The following RPS6KA5 variants were observed in gnomAD, a reference collection of about 807,000 sequenced individuals.
RPS6KA5 encodes the protein ribosomal protein S6 kinase A5.
RPS6KA5 carries 27 observed loss-of-function variants against 85.5 expected under a neutral mutation model. The ratio of observed to expected loss-of-function variants is 0.32; its 90% confidence interval spans 0.23 to 0.44. The LOEUF (loss-of-function observed/expected upper bound fraction) is 0.44. Among genes scored for constraint, RPS6KA5 ranks in the 20% least tolerant of loss-of-function variants. RPS6KA5 has a pLI of 1.00. For synonymous variants in RPS6KA5, 334 were observed against 348.2 expected, an observed-to-expected ratio of 0.96 and a Z score of 0.46; for missense variants, 811 against 980.9, an observed-to-expected ratio of 0.83 and a Z score of 2.31.
intron 7 of RPS6KA5, among the ~76,000 whole-genome samples, chr14:90,909,741 C>T (rs2140257058): frequency 6.6e-6 from 1 of 152,176 alleles, no homozygotes; most frequent in East Asian, 1.9e-4. Context: ...ATCAAGTGAA[C>T]ATAGATGACA....
intron 3 of RPS6KA5, among the ~76,000 whole-genome samples, chr14:90,952,559 C>T (rs1595314196): frequency 6.6e-6 from 1 of 152,264 alleles, no homozygotes. Flanking sequence ...TAATGATTGG[C>T]AAGCCAATTC....
At chr14:91,048,248 C>T (rs2042947801) in intron 1 of RPS6KA5, among the ~76,000 whole-genome samples, 2 of 152,074 alleles carry the variant, frequency 1.3e-5, no homozygotes, top group Admixed American at 1.3e-4. Context: ...TTTTAAAATA[C>T]AAGAATTAAT....
intron 5 of RPS6KA5, among the ~76,000 whole-genome samples, chr14:90,931,086 A>C (rs2036951509): frequency 6.6e-6 from 1 of 152,230 alleles, no homozygotes; most frequent in Non-Finnish European, 1.5e-5. Context: ...AAATATTTGC[A>C]CAACCACGTT....
intron 12 of RPS6KA5, among the ~76,000 whole-genome samples, chr14:90,895,432 G>T (rs1206706001): frequency 6.6e-6 from 1 of 152,084 alleles, no homozygotes; most frequent in African/African-American, 2.4e-5. Context: ...TAGTTTCAGG[G>T]TTCCTGTTAA....
Position 90,856,328 on chromosome 14 carries a change from C to CAA in RPS6KA5, c.*15744_*15745dup. 6.6e-6 allele frequency: 1 copy of CAA among 151,706 alleles called. No homozygotes were observed. Among genetic ancestry groups the CAA allele is most frequent in the East Asian group, 1.9e-4 (1 of 5,162 alleles). 9.4% of individuals were successfully genotyped at this position (151,706 alleles called of 1,614,324 possible). A position where few individuals can be genotyped will look rare whatever the true frequency, so the allele number is the denominator to read the frequency against. ...AGCCAGGTGTTAGTACTGACTTCCT[C>CAA]AAACTAGCTACAGCCTTTCTAGCTA... On this transcript the variant is annotated 3_prime_UTR_variant, in exon 17 of 17. Transcript: ENST00000614987.
At chr14:91,023,475 T>C (rs1040507443) in intron 1 of RPS6KA5, among the ~76,000 whole-genome samples, 7 of 152,034 alleles carry the variant, frequency 4.6e-5, no homozygotes, top group Non-Finnish European at 1.0e-4. Flanking sequence ...TTAGTAGAGA[T>C]GGGGTTTCAC....
chr14:90,948,967 A>G (rs915133125), intron 3 of RPS6KA5, among the ~76,000 whole-genome samples: 1 of 152,224 alleles, frequency 6.6e-6, no homozygotes, highest in Non-Finnish European at 1.5e-5. Flanking sequence ...AAGCAGATAC[A>G]ACAGAATTAA....
Position 90,988,862 on chromosome 14 carries a change from T to A in RPS6KA5, c.176-10338A>T, listed in dbSNP as rs116111959. On this transcript the variant is annotated intron_variant, in intron 2 of 16. Transcript: ENST00000614987. ...AACAAAGAAATATAATCTTTCCATT[T>A]GACATGTTATGCTTAAGGTAACATA... Among the ~76,000 whole-genome samples, 822 of 152,260 alleles carry A rather than the reference T, an allele frequency of 5.4e-3. 5 individuals carry two copies. Among genetic ancestry groups the A allele is most frequent in the African/African-American group, 0.017 (706 of 41,542 alleles).
chr14:91,023,866 A>G (rs77452918), intron 1 of RPS6KA5, among the ~76,000 whole-genome samples: 2,732 of 152,326 alleles, frequency 0.018, 65 homozygotes, highest in African/African-American at 0.063. Flanking sequence ...TTAATAGGAT[A>G]TATCTCAGAG....
chr14:91,029,210 T>C (rs1459699895), intron 1 of RPS6KA5, among the ~76,000 whole-genome samples: 10 of 152,208 alleles, frequency 6.6e-5, no homozygotes, highest in Admixed American at 5.9e-4. Context: ...AAATGACATA[T>C]AAATTCAATG....
intron 5 of RPS6KA5, among the ~76,000 whole-genome samples, chr14:90,923,563 G>A (rs2036512998): frequency 6.6e-6 from 1 of 151,960 alleles, no homozygotes; most frequent in Admixed American, 6.5e-5. Flanking sequence ...AATGCAAATA[G>A]TCCTAGTAAG....
chr14:91,014,666 G>A (rs565280140), intron 1 of RPS6KA5, among the ~76,000 whole-genome samples: 24 of 151,896 alleles, frequency 1.6e-4, no homozygotes, highest in South Asian at 4.2e-4. Context: ...TCTAAATAGC[G>A]ATATAAAGTT....
chr14:91,044,803 A>G (rs577042916), intron 1 of RPS6KA5, among the ~76,000 whole-genome samples: 46 of 151,060 alleles, frequency 3.0e-4, no homozygotes, highest in East Asian at 9.8e-4. Context: ...CTCAGGAGGC[A>G]GAGGTTGCAG....
chr14:90,998,966 A>T (rs1008441999), intron 2 of RPS6KA5, among the ~76,000 whole-genome samples: 1 of 152,192 alleles, frequency 6.6e-6, no homozygotes, highest in Non-Finnish European at 1.5e-5. Flanking sequence ...GTGATGGCTC[A>T]CGTCTGTAAT....
rs144452640 is a variant in RPS6KA5 at position 90,937,690 on chromosome 14, T to C, written c.618+5388A>G. On this transcript the variant is annotated intron_variant, in intron 5 of 16. Coordinates refer to ENST00000614987, the MANE Select transcript of RPS6KA5 (RefSeq NM_004755.4). The stretch of plus-strand genomic sequence containing the variant: ...AAGGAAAGGAGGAACAAGTCACATA[T>C]TACATGGATGGAAGCAGATAAAGAG... Among the ~76,000 whole-genome samples the C allele has an allele frequency of 1.5e-3, 228 of 152,202 alleles. 2 individuals carry two copies. The highest frequency in any genetic ancestry group is 5.2e-3 in the African/African-American group (218 of 41,524).
chr14:90,996,164 A>G (rs950705258), intron 2 of RPS6KA5, among the ~76,000 whole-genome samples: 1 of 151,442 alleles, frequency 6.6e-6, no homozygotes, highest in African/African-American at 2.4e-5. Flanking sequence ...AGCGAGTGTC[A>G]CAACAGCCCA....
intron 1 of RPS6KA5, among the ~76,000 whole-genome samples, chr14:91,027,070 T>G (rs2042016173): frequency 6.6e-6 from 1 of 152,224 alleles, no homozygotes; most frequent in Admixed American, 6.5e-5. Flanking sequence ...CCATTGAGTA[T>G]GCTGTTTATT....
intron 5 of RPS6KA5, among the ~76,000 whole-genome samples, chr14:90,939,655 G>C (rs1254519230): frequency 6.6e-6 from 1 of 152,108 alleles, no homozygotes; most frequent in Non-Finnish European, 1.5e-5. Flanking sequence ...GGAAACTCCC[G>C]TTTTTAAAAC....
At chr14:91,014,820 G>A (rs938823572) in intron 1 of RPS6KA5, among the ~76,000 whole-genome samples, 1 of 151,950 alleles carries the variant, frequency 6.6e-6, no homozygotes, top group African/African-American at 2.4e-5. Flanking sequence ...CTTTAATAAT[G>A]TGATTTAATA....
Sources: gnomAD v4.1 joint callset for allele counts (sites outside exome capture counted in the v4.1 genomes callset) on GRCh38, gnomAD v4.1.1 for gene constraint, MANE v1.5 for transcripts, NCBI Gene and HGNC (gene_info 2026-07-23, HGNC 2026-07-21) for gene names.